GPC6: variants seen among roughly 807,000 people sequenced by gnomAD.
The protein encoded by GPC6 is glypican-6.
A neutral mutation model predicts 55.2 loss-of-function variants in GPC6; 14 were observed. The observed-to-expected ratio is 0.25, with a 90% confidence interval of 0.17 to 0.40. GPC6 has a LOEUF of 0.40. Ranked by LOEUF, GPC6 falls within the 10% of genes least tolerant of loss-of-function variation. The probability of loss-of-function intolerance (pLI) is 1.00; values close to 1 mark genes in which losing one functional copy is unlikely to be tolerated. For synonymous variants in GPC6, 278 were observed against 259.6 expected (o/e 1.07, Z -0.68); for missense variants, 641 against 708.5 (o/e 0.90, Z 1.08).
intron 1 of GPC6, among the ~76,000 whole-genome samples, chr13:93,504,439 C>A (rs919963139): frequency 1.3e-5 from 2 of 151,342 alleles, no homozygotes; most frequent in Non-Finnish European, 2.9e-5. Context: ...TACAGAGCAT[C>A]CTGCATATTC....
chr13:93,300,654 A>G (rs1189390981), intron 1 of GPC6, among the ~76,000 whole-genome samples: 2 of 151,558 alleles, frequency 1.3e-5, no homozygotes, highest in South Asian at 2.1e-4. Context: ...TCTCAAAAAA[A>G]AAAAAAAAAA....
At chr13:93,611,422 A>G (rs564048372) in intron 2 of GPC6, among the ~76,000 whole-genome samples, 1 of 152,258 alleles carries the variant, frequency 6.6e-6, no homozygotes, top group South Asian at 2.1e-4. Flanking sequence ...AAGTATATAT[A>G]TGTATTTTCA....
At chr13:93,561,166 G>A (rs939051284) in intron 2 of GPC6, among the ~76,000 whole-genome samples, 2 of 151,974 alleles carry the variant, frequency 1.3e-5, no homozygotes, top group African/African-American at 2.4e-5. Context: ...TGCATGTGGA[G>A]TAAAGCATAT....
At chr13:93,539,786 G>A (rs1056435993) in intron 1 of GPC6, among the ~76,000 whole-genome samples, 1 of 151,186 alleles carries the variant, frequency 6.6e-6, no homozygotes, top group Non-Finnish European at 1.5e-5. Context: ...CAGCCTCCCA[G>A]GTTGAAGCAA....
chr13:93,617,619 A>G (rs1397740446), intron 2 of GPC6, among the ~76,000 whole-genome samples: 3 of 152,106 alleles, frequency 2.0e-5, no homozygotes, highest in Non-Finnish European at 2.9e-5. Context: ...CATTTTATGT[A>G]TAAGAAAATA....
intron 6 of GPC6, among the ~76,000 whole-genome samples, chr13:94,345,937 T>G (rs1878263391): frequency 6.6e-6 from 1 of 152,140 alleles, no homozygotes. Flanking sequence ...ATTTCAGGCC[T>G]TCTCTAAGCT....
intron 2 of GPC6, among the ~76,000 whole-genome samples, chr13:93,735,057 T>C (rs1357946500): frequency 6.6e-6 from 1 of 152,206 alleles, no homozygotes; most frequent in East Asian, 1.9e-4. Context: ...TGTATGTATA[T>C]TGTCCTTTTA....
chr13:93,984,295 G>C (rs1476014515), intron 3 of GPC6, among the ~76,000 whole-genome samples: 1 of 152,082 alleles, frequency 6.6e-6, no homozygotes, highest in African/African-American at 2.4e-5. Context: ...ATTATTCTGG[G>C]CATTGTTTGA....
intron 1 of GPC6, among the ~76,000 whole-genome samples, chr13:93,295,290 C>CAAAAAAAAAAAAA (rs67379652): frequency 1.5e-5 from 1 of 66,682 alleles, no homozygotes; most frequent in African/African-American, 7.6e-5. Flanking sequence ...GACCCTGTCT[C>CAAAAAAAAAAAAA]AAAAAAAAAA....
At position 93,790,040 on chromosome 13, in the gene GPC6, A is replaced by C. The variant is rs189885664; in HGVS notation, c.320-40114A>C. 3.3e-5 allele frequency among the ~76,000 whole-genome samples: 5 copies of C among 152,328 alleles called. No individual in the cohort carries two copies. The East Asian group carries it at 9.6e-4, about 29-fold the overall frequency. On this transcript the variant is annotated intron_variant, in intron 2 of 8. Transcript: ENST00000377047. ...ATCGGTCAATTGAAAATGTGGCAAC[A>C]TGTATGATGCCATCTTCAAATGTCA...
At chr13:93,399,061 GACACACACACACACACAC>G (rs35212206) in intron 1 of GPC6, among the ~76,000 whole-genome samples, 1 of 150,650 alleles carries the variant, frequency 6.6e-6, no homozygotes, top group Non-Finnish European at 1.5e-5. Flanking sequence ...CACACACACA[GACACACACACACACACAC>G]ACACGTGCAC....
intron 3 of GPC6, among the ~76,000 whole-genome samples, chr13:93,833,748 A>T (rs1887621843): frequency 6.6e-6 from 1 of 152,190 alleles, no homozygotes; most frequent in Non-Finnish European, 1.5e-5. Flanking sequence ...GAAATTTCTT[A>T]CCAGAAAAAT....
At chr13:93,570,665 A>T (rs528512287) in intron 2 of GPC6, among the ~76,000 whole-genome samples, 2 of 152,288 alleles carry the variant, frequency 1.3e-5, no homozygotes, top group South Asian at 4.1e-4. Context: ...AGGAAGTAAG[A>T]TTTCTACATA....
intron 6 of GPC6, among the ~76,000 whole-genome samples, chr13:94,372,335 G>T (rs1273748644): frequency 6.6e-6 from 1 of 152,174 alleles, no homozygotes; most frequent in Non-Finnish European, 1.5e-5. Flanking sequence ...CCAGACAGTG[G>T]GCGCAGGTCA....
intron 1 of GPC6, among the ~76,000 whole-genome samples, chr13:93,251,666 T>C (rs1384182510): frequency 2.0e-5 from 3 of 152,132 alleles, no homozygotes; most frequent in African/African-American, 7.2e-5. Context: ...AGTCTCAAAA[T>C]AAATGTTAGT....
intron 1 of GPC6, among the ~76,000 whole-genome samples, chr13:93,444,052 C>T (rs1268514710): frequency 6.6e-6 from 1 of 152,078 alleles, no homozygotes; most frequent in Non-Finnish European, 1.5e-5. Context: ...TTTGTATTCT[C>T]AAGATTCCAG....
At chr13:93,350,934 C>A (rs1450990145) in intron 1 of GPC6, among the ~76,000 whole-genome samples, 1 of 152,038 alleles carries the variant, frequency 6.6e-6, no homozygotes, top group African/African-American at 2.4e-5. Context: ...CACACACATA[C>A]ACACAGACAA....
chr13:93,655,108 TA>T (rs1880605591), intron 2 of GPC6, among the ~76,000 whole-genome samples: 1 of 147,830 alleles, frequency 6.8e-6, no homozygotes, highest in Non-Finnish European at 1.5e-5. Context: ...CTCGGCCTCC[TA>T]AAGTGCTGGG....
Position 93,759,572 on chromosome 13 carries a change from A to T in GPC6, c.320-70582A>T, listed in dbSNP as rs560940310. Among the ~76,000 whole-genome samples, 13 of 152,294 alleles carry T rather than the reference A, an allele frequency of 8.5e-5. No individual in the cohort carries two copies. In the South Asian group the frequency reaches 2.7e-3, roughly 32 times the overall value. ...TTTTCCTATTGCCATAACTCACCTTACATCGGATTTCAGATTTAGTAAGTA... is the reference window on the plus strand; with the variant it reads ...TTTTCCTATTGCCATAACTCACCTTTCATCGGATTTCAGATTTAGTAAGTA... On this transcript the variant is annotated intron_variant, in intron 2 of 8. Transcript: ENST00000377047.
Sources: gnomAD v4.1 joint callset for allele counts (sites outside exome capture counted in the v4.1 genomes callset) on GRCh38, gnomAD v4.1.1 for gene constraint, MANE v1.5 for transcripts, NCBI Gene and HGNC (gene_info 2026-07-23, HGNC 2026-07-21) for gene names.